Variants in CNTNAP4 observed in about 807,000 individuals in gnomAD.
CNTNAP4 encodes contactin associated protein family member 4.
In CNTNAP4, 98 loss-of-function variants were observed where a neutral mutation model predicts 148.4. That is an observed-to-expected ratio of 0.66 (90% confidence interval 0.56 to 0.78). CNTNAP4 has a LOEUF of 0.78. CNTNAP4 is among the 30% of genes least tolerant of loss of function. The probability of loss-of-function intolerance (pLI) is 0.00; values close to 1 mark genes in which losing one functional copy is unlikely to be tolerated. For missense variants in CNTNAP4, 1,935 were observed against 1,565.6 expected (o/e 1.24, Z -3.98); for synonymous variants, 730 against 565.1 (o/e 1.29, Z -4.14).
chr16:76,498,753 C>T (rs1008905283), intron 15 of CNTNAP4, 59 bp downstream of exon 15: 3 of 1,470,738 alleles, frequency 2.0e-6, no homozygotes, highest in South Asian at 1.4e-5. Flanking sequence ...CTTAAAGTAC[C>T]ATCACTTAAG....
intron 21 of CNTNAP4, among the ~76,000 whole-genome samples, chr16:76,551,337 G>A (rs930548113): frequency 6.6e-6 from 1 of 151,670 alleles, no homozygotes; most frequent in Non-Finnish European, 1.5e-5. Context: ...GGCAAAAGCT[G>A]CAGGGAGCTG....
chr16:76,452,206 A>G (rs2080516939), intron 7 of CNTNAP4, among the ~76,000 whole-genome samples: 1 of 152,182 alleles, frequency 6.6e-6, no homozygotes, highest in Non-Finnish European at 1.5e-5. Flanking sequence ...TCACAGATTC[A>G]TAATAGAGCC....
Position 76,521,188 on chromosome 16 carries a change from A to C in CNTNAP4, c.2414A>C (p.His805Pro). 1 of 1,606,936 alleles carries C rather than the reference A, an allele frequency of 6.2e-7. No homozygotes were observed. ...TTTGATACCGAGGCTTCATATCTTC[A>C]TTTTCCTACCTTCCACGGAGAACTT... The part of the protein sequence containing the change: ...ASFDTEASYL[H>P]FPTFHGELSA... Residue 805 changes from histidine (H) to proline (P), a missense_variant, in exon 16 of 24, where the codon CAT (histidine) becomes CCT (proline). Coordinates refer to ENST00000611870, the MANE Select transcript of CNTNAP4 (RefSeq NM_033401.5).
chr16:76,416,472 G>A (rs2078987874), intron 3 of CNTNAP4, among the ~76,000 whole-genome samples: 1 of 150,900 alleles, frequency 6.6e-6, no homozygotes, highest in African/African-American at 2.4e-5. Context: ...TTTTCATACA[G>A]ATTTAAACAT....
chr16:76,395,749 G>T (rs193087948), intron 3 of CNTNAP4, among the ~76,000 whole-genome samples: 88 of 147,506 alleles, frequency 6.0e-4, no homozygotes, highest in Admixed American at 1.2e-3. Context: ...TTTTTTTTTC[G>T]ACAAGGTCTT....
intron 2 of CNTNAP4, among the ~76,000 whole-genome samples, chr16:76,333,911 C>T (rs1472901979): frequency 2.0e-5 from 3 of 149,820 alleles, no homozygotes; most frequent in African/African-American, 7.3e-5. Flanking sequence ...ACATCCTCTA[C>T]AGCACCTGTT....
chr16:76,339,470 C>G lies in CNTNAP4; in HGVS notation c.197-15848C>G, dbSNP rs377316963. Among the ~76,000 whole-genome samples the G allele has an allele frequency of 1.3e-4, 19 of 151,926 alleles. No homozygotes were observed. The East Asian group carries it at 3.5e-3, about 28-fold the overall frequency. On this transcript the variant is annotated intron_variant, in intron 2 of 23. Transcript: ENST00000611870. Reference sequence around the variant, plus strand: ...GATACTAGATGACATTAATATTCAGCAAATACTCATTTATTCATTGGAATT... The same window carrying G: ...GATACTAGATGACATTAATATTCAGGAAATACTCATTTATTCATTGGAATT...
chr16:76,514,802 G>C (rs553064589), intron 15 of CNTNAP4, among the ~76,000 whole-genome samples: 1 of 152,134 alleles, frequency 6.6e-6, no homozygotes, highest in African/African-American at 2.4e-5. Context: ...ATAGGTTATT[G>C]TGTTCTGATA....
chr16:76,507,616 T>G (rs2082876395), intron 15 of CNTNAP4, among the ~76,000 whole-genome samples: 1 of 97,962 alleles, frequency 1.0e-5, no homozygotes, highest in African/African-American at 2.6e-5. Context: ...ATAGGTAGTT[T>G]AAGACTCACA....
At chr16:76,338,562 C>T (rs1027550279) in intron 2 of CNTNAP4, among the ~76,000 whole-genome samples, 1 of 152,186 alleles carries the variant, frequency 6.6e-6, no homozygotes, top group South Asian at 2.1e-4. Flanking sequence ...ATTCAGCCAG[C>T]AGTGCTCTCC....
chr16:76,396,003 A>G (rs2078190758), intron 3 of CNTNAP4, among the ~76,000 whole-genome samples: 1 of 152,232 alleles, frequency 6.6e-6, no homozygotes. Context: ...TGCGAGGATT[A>G]CAGGCATGAG....
chr16:76,389,914 C>T (rs2016828682), intron 3 of CNTNAP4, among the ~76,000 whole-genome samples: 2 of 152,120 alleles, frequency 1.3e-5, no homozygotes, highest in African/African-American at 2.4e-5. Context: ...AATTTGAGTG[C>T]AAGTTATTTA....
chr16:76,289,500 C>A (rs1490419380), intron 1 of CNTNAP4, among the ~76,000 whole-genome samples: 1 of 150,230 alleles, frequency 6.7e-6, no homozygotes, highest in African/African-American at 2.5e-5. Flanking sequence ...CAAACATATG[C>A]AAGATGTTTC....
chr16:76,440,035 CTCTGTTTGTTTAGTAAT>C (rs1246856897), intron 4 of CNTNAP4, among the ~76,000 whole-genome samples: 3 of 85,730 alleles, frequency 3.5e-5, no homozygotes, highest in African/African-American at 1.7e-4. Flanking sequence ...AAAATTGGAC[CTCTGTTTGTTTAGTAAT>C]TCATGGGCAA....
intron 2 of CNTNAP4, among the ~76,000 whole-genome samples, chr16:76,333,730 A>C (rs1025683347): frequency 1.4e-5 from 2 of 139,362 alleles, no homozygotes; most frequent in Admixed American, 7.3e-5. Flanking sequence ...AAATCAGATG[A>C]TCTCTTCCTC....
chr16:76,475,932 C>G lies in CNTNAP4; in HGVS notation c.1656-7C>G, dbSNP rs367848554. The G allele has an allele frequency of 5.9e-5, 95 of 1,607,358 alleles. No individual in the cohort carries two copies. Among genetic ancestry groups the G allele is most frequent in the Non-Finnish European group, 8.1e-5 (95 of 1,174,136 alleles). ...AAACTGGTGATTGTATCTGCACCTTCTTTTAGGTGTTTGCCCAACTATTGT... is the reference window on the plus strand; with the variant it reads ...AAACTGGTGATTGTATCTGCACCTTGTTTTAGGTGTTTGCCCAACTATTGT... On this transcript the variant is annotated splice_polypyrimidine_tract_variant and splice_region_variant and intron_variant, in intron 10 of 23. Coordinates refer to ENST00000611870, the MANE Select transcript of CNTNAP4 (RefSeq NM_033401.5).
intron 10 of CNTNAP4, among the ~76,000 whole-genome samples, chr16:76,474,479 A>G (rs1376560232): frequency 2.0e-5 from 3 of 152,232 alleles, no homozygotes; most frequent in South Asian, 2.1e-4. Context: ...AAAAAAATCC[A>G]TAATATCTCT....
At chr16:76,328,588 A>T (rs905476488) in intron 2 of CNTNAP4, among the ~76,000 whole-genome samples, 1 of 152,236 alleles carries the variant, frequency 6.6e-6, no homozygotes, top group Admixed American at 6.5e-5. Flanking sequence ...CTTAGTTAAT[A>T]ATAATAATGT....
intron 2 of CNTNAP4, among the ~76,000 whole-genome samples, chr16:76,332,381 C>A (rs948478117): frequency 1.3e-5 from 2 of 152,070 alleles, no homozygotes; most frequent in African/African-American, 4.8e-5. Flanking sequence ...CTGCCTTAGT[C>A]TCCTGAGTAG....
Sources: allele counts gnomAD v4.1 joint callset (sites outside exome capture counted in the v4.1 genomes callset), GRCh38; gene constraint gnomAD v4.1.1; transcripts MANE v1.5; gene names NCBI Gene and HGNC (gene_info 2026-07-23, HGNC 2026-07-21).